LSAMP: variants seen among roughly 807,000 people sequenced by gnomAD.
LSAMP encodes the protein limbic system-associated membrane protein.
LSAMP carries 7 observed loss-of-function variants against 38.6 expected under a neutral mutation model. The ratio of observed to expected loss-of-function variants is 0.18; its 90% CI spans 0.10 to 0.34. The LOEUF (loss-of-function observed/expected upper bound fraction) is 0.34, where lower values mean the gene tolerates loss of function less well. LSAMP is among the 10% of genes least tolerant of loss of function. The pLI is 1.00. For missense variants in LSAMP, 313 were observed against 420.0 expected (o/e 0.75, Z 2.23); for synonymous variants, 154 against 166.8 (o/e 0.92, Z 0.59).
At chr3:116,256,051 C>T (rs956989169) in intron 1 of LSAMP, among the ~76,000 whole-genome samples, 1 of 152,074 alleles carries the variant, frequency 6.6e-6, no homozygotes, top group African/African-American at 2.4e-5. Flanking sequence ...CAATAAAATG[C>T]GTAATTAATT....
At chr3:116,393,055 C>T (rs1021473736) in intron 1 of LSAMP, among the ~76,000 whole-genome samples, 2 of 152,150 alleles carry the variant, frequency 1.3e-5, no homozygotes, top group African/African-American at 4.8e-5. Context: ...TCATCTTGCT[C>T]ACCCTCCACT....
intron 1 of LSAMP, among the ~76,000 whole-genome samples, chr3:116,154,066 G>A (rs1483479234): frequency 6.6e-6 from 1 of 152,090 alleles, no homozygotes; most frequent in African/African-American, 2.4e-5. Flanking sequence ...CTGAGCCTAT[G>A]TACCTCATGG....
intron 3 of LSAMP, among the ~76,000 whole-genome samples, chr3:115,853,472 G>A (rs1318318319): frequency 6.6e-6 from 1 of 152,222 alleles, no homozygotes; most frequent in African/African-American, 2.4e-5. Context: ...ACATAGTTGA[G>A]TGTGTGCATT....
intron 1 of LSAMP, among the ~76,000 whole-genome samples, chr3:116,266,772 A>G (rs1439729109): frequency 2.0e-5 from 3 of 152,344 alleles, no homozygotes; most frequent in South Asian, 2.1e-4. Context: ...AGGAAAAATG[A>G]AAAAGATTAG....
rs1462428662 is a variant in LSAMP at position 116,417,880 on chromosome 3, T to C, written c.155+26997A>G. Among the ~76,000 whole-genome samples the C allele has an allele frequency of 2.6e-5, 4 of 152,292 alleles. No homozygotes were observed. The East Asian group carries it at 7.7e-4, about 29-fold the overall frequency. Reference sequence around the variant, plus strand: ...CAGTGCCTAGGTCCTGTAGGTCTTATGGAGTTCCTGCTGCAGGAGTCACAG... The same window carrying C: ...CAGTGCCTAGGTCCTGTAGGTCTTACGGAGTTCCTGCTGCAGGAGTCACAG... On this transcript the variant is annotated intron_variant, in intron 1 of 6. Transcript: ENST00000490035.
At chr3:116,183,328 T>A (rs906275611) in intron 1 of LSAMP, among the ~76,000 whole-genome samples, 2 of 151,904 alleles carry the variant, frequency 1.3e-5, no homozygotes, top group African/African-American at 4.8e-5. Context: ...GCTTATTGCA[T>A]GGAAGGCACA....
intron 3 of LSAMP, among the ~76,000 whole-genome samples, chr3:115,860,692 A>G (rs1308369581): frequency 1.3e-5 from 2 of 152,222 alleles, no homozygotes; most frequent in Admixed American, 6.5e-5. Context: ...ATAAAAACCT[A>G]TTGGTACACA....
intron 1 of LSAMP, among the ~76,000 whole-genome samples, chr3:116,273,682 G>GAAGATATA (rs2047004468): frequency 4.4e-4 from 2 of 4,516 alleles, no homozygotes; most frequent in East Asian, 4.8e-3. Context: ...AGAGAAAGAG[G>GAAGATATA]CATATATATA....
chr3:116,086,446 C>T lies in LSAMP; in HGVS notation c.266G>A (p.Arg89His), dbSNP rs1329182222. 9 of 1,614,074 alleles carry T rather than the reference C, an allele frequency of 5.6e-6. No individual in the cohort carries two copies. The highest frequency in any genetic ancestry group is 5.1e-6 in the Non-Finnish European group (6 of 1,179,996). The change falls in exon 2 of 7, where the codon CGC becomes CAC. Residue 89 changes from arginine (R) to histidine (H), a missense_variant. By Grantham distance (29) the Arg-to-His change is conservative. Transcript: ENST00000490035. ...SLDPRVELEK[R>H]HSLEYSLRIQ... Reference sequence around the variant, plus strand: ...TCGGAGGCTGTATTCCAGAGAATGGCGTTTCTCCAGCTCAACCCGTGGGTC... The same window carrying T: ...TCGGAGGCTGTATTCCAGAGAATGGTGTTTCTCCAGCTCAACCCGTGGGTC...
At chr3:116,064,407 C>T (rs369840587) in intron 2 of LSAMP, among the ~76,000 whole-genome samples, 8 of 150,148 alleles carry the variant, frequency 5.3e-5, no homozygotes, top group Non-Finnish European at 8.9e-5. Context: ...CCCAGCTACT[C>T]GGGAGGCTGA....
chr3:115,911,694 T>C (rs1214412466), intron 3 of LSAMP, among the ~76,000 whole-genome samples: 13 of 152,208 alleles, frequency 8.5e-5, no homozygotes, highest in Admixed American at 8.5e-4. Context: ...TTGAGACAAA[T>C]GTCAATAGTA....
intron 1 of LSAMP, among the ~76,000 whole-genome samples, chr3:116,421,443 G>A (rs1181655400): frequency 5.3e-5 from 8 of 151,592 alleles, no homozygotes; most frequent in Non-Finnish European, 7.4e-5. Context: ...GGTGGTGGGC[G>A]CCTGTAATCC....
At chr3:116,201,337 C>A (rs1484250327) in intron 1 of LSAMP, among the ~76,000 whole-genome samples, 2 of 152,186 alleles carry the variant, frequency 1.3e-5, no homozygotes, top group Admixed American at 6.5e-5. Flanking sequence ...ATCCAAATAT[C>A]CAAAATGTTA....
At chr3:116,173,260 C>A (rs1261172231) in intron 1 of LSAMP, among the ~76,000 whole-genome samples, 1 of 151,948 alleles carries the variant, frequency 6.6e-6, no homozygotes, top group East Asian at 1.9e-4. Context: ...CAAGCATGGG[C>A]CTCTTGTAAC....
intron 1 of LSAMP, among the ~76,000 whole-genome samples, chr3:116,283,774 A>G (rs77593877): frequency 6.6e-6 from 1 of 152,270 alleles, no homozygotes; most frequent in East Asian, 1.9e-4. Flanking sequence ...AGTCCTCCTT[A>G]GTTTTTATTT....
At chr3:116,258,143 A>G (rs957612489) in intron 1 of LSAMP, among the ~76,000 whole-genome samples, 1 of 152,140 alleles carries the variant, frequency 6.6e-6, no homozygotes, top group Non-Finnish European at 1.5e-5. Context: ...AAAGGAAAGA[A>G]GAATGTGCAA....
intron 3 of LSAMP, among the ~76,000 whole-genome samples, chr3:115,984,037 G>T (rs1939440178): frequency 6.6e-6 from 1 of 151,954 alleles, no homozygotes; most frequent in South Asian, 2.1e-4. Flanking sequence ...CAGTTAAGAG[G>T]CTCCTGCAGT....
At chr3:115,863,509 T>A (rs1009597072) in intron 3 of LSAMP, among the ~76,000 whole-genome samples, 1 of 148,860 alleles carries the variant, frequency 6.7e-6, no homozygotes, top group Non-Finnish European at 1.5e-5. Flanking sequence ...TTCTAAACAA[T>A]GGGATTCAAA....
At chr3:116,232,695 C>CTTTTTTT (rs1358749128) in intron 1 of LSAMP, among the ~76,000 whole-genome samples, 1 of 27,300 alleles carries the variant, frequency 3.7e-5, no homozygotes, top group East Asian at 1.6e-3. Context: ...TTCTTTCTTT[C>CTTTTTTT]TTTCTTTTTT....
Sources: gnomAD v4.1 joint callset for allele counts (sites outside exome capture counted in the v4.1 genomes callset) on GRCh38, gnomAD v4.1.1 for gene constraint, MANE v1.5 for transcripts, NCBI Gene and HGNC (gene_info 2026-07-23, HGNC 2026-07-21) for gene names.